The following TBC1D31 variants were observed in gnomAD, a reference collection of about 807,000 sequenced individuals.
TBC1D31 encodes the protein TBC1 domain family member 31.
In TBC1D31, 99 loss-of-function variants were observed where a neutral mutation model predicts 132.9. The observed-to-expected ratio is 0.74, with a 90% confidence interval of 0.63 to 0.88. The LOEUF (loss-of-function observed/expected upper bound fraction) is 0.88, where lower values mean the gene tolerates loss of function less well. TBC1D31 is among the 40% of genes least tolerant of loss of function. The pLI, the probability that TBC1D31 is intolerant of heterozygous loss-of-function variation, is 0.00. For synonymous variants in TBC1D31, 385 were observed against 419.4 expected (o/e 0.92, Z 1.00); for missense variants, 1,134 against 1,256.6 (o/e 0.90, Z 1.48).
At chr8:123,072,995 C>G in intron 1 of TBC1D31, 149 bp downstream of exon 1, 1 of 763,352 alleles carries the variant, frequency 1.3e-6, no homozygotes, top group East Asian at 2.7e-5. Context: ...CAGATGGCTC[C>G]GGACGCCAGG....
chr8:123,109,658 G>C, intron 10 of TBC1D31, 38 bp downstream of exon 10: 1 of 1,513,572 alleles, frequency 6.6e-7, no homozygotes, highest in Non-Finnish European at 8.9e-7. Context: ...TATGAGACCT[G>C]TAACTAATAA....
chr8:123,129,153 A>C lies in TBC1D31; in HGVS notation c.2205A>C (p.Lys735Asn), dbSNP rs757200601. 1 of 1,608,418 alleles carries C rather than the reference A, an allele frequency of 6.2e-7. No homozygotes were observed. Among genetic ancestry groups the C allele is most frequent in the Non-Finnish European group, 8.5e-7 (1 of 1,176,006 alleles). ...AWYQKQELLRKAEETRREMLL... is the reference protein window; with the variant it reads ...AWYQKQELLRNAEETRREMLL... ...ACCAGAAACAGGAGCTGCTTCGTAA[A>C]GCTGAAGAAACAAGAAGAGAAATGC... Residue 735 changes from lysine to asparagine, a missense_variant, in exon 15 of 22, where the codon AAA becomes AAC. Physicochemically the swap from Lys to Asn is moderately conservative, Grantham distance 94. Transcript: ENST00000287380.
chr8:123,101,029 A>G (rs760409501), intron 7 of TBC1D31, 22 bp downstream of exon 7: 41 of 1,535,820 alleles, frequency 2.7e-5, no homozygotes, highest in Non-Finnish European at 3.3e-5. Context: ...GAAGTAATCA[A>G]CATCAGCTTT....
intron 10 of TBC1D31, among the ~76,000 whole-genome samples, chr8:123,113,114 C>T (rs778239750): frequency 4.6e-5 from 7 of 152,168 alleles, no homozygotes; most frequent in Non-Finnish European, 8.8e-5. Flanking sequence ...GTTCAGAGGA[C>T]AAGGTAGAAA....
At chr8:123,102,015 C>T (rs1563698837) in intron 7 of TBC1D31, among the ~76,000 whole-genome samples, 4 of 152,176 alleles carry the variant, frequency 2.6e-5, no homozygotes, top group African/African-American at 4.8e-5. Context: ...CTTATTTCCT[C>T]GAACTTATAG....
intron 6 of TBC1D31, 46 bp from the exon 7 acceptor site, chr8:123,100,761 A>C (rs1226865714): frequency 6.8e-7 from 1 of 1,476,026 alleles, no homozygotes; most frequent in African/African-American, 1.4e-5. Flanking sequence ...ACTTTCAGAC[A>C]TTGACTATCA....
chr8:123,087,651 A>G (rs1424181701), intron 4 of TBC1D31, among the ~76,000 whole-genome samples: 2 of 152,248 alleles, frequency 1.3e-5, no homozygotes, highest in Non-Finnish European at 2.9e-5. Flanking sequence ...ACAATGACAC[A>G]TGACACAAAA....
chr8:123,130,383 C>G, intron 16 of TBC1D31, 50 bp downstream of exon 16: 1 of 1,522,644 alleles, frequency 6.6e-7, no homozygotes. Flanking sequence ...TTTACTCTCA[C>G]TTAAATGTAA....
At position 123,084,243 on chromosome 8, in the gene TBC1D31, C is replaced by T. The variant is rs139812181; in HGVS notation, c.422C>T (p.Ala141Val). Residue 141 changes from alanine to valine, a missense_variant, in exon 4 of 22, where the codon GCC (alanine) becomes GTC (valine). Transcript: ENST00000287380. The stretch of plus-strand genomic sequence containing the variant: ...TCTGTGCATGCATCAGGGAAATATG[C>T]CATCACAACTTCTTCTGATACAGCA... ...SISVHASGKY[A>V]ITTSSDTAQL... 3 of 1,613,864 alleles carry T rather than the reference C, an allele frequency of 1.9e-6. No homozygotes were observed. The African/African-American group carries it at 4.0e-5, about 22-fold the overall frequency.
At position 123,151,973 on chromosome 8, in the gene TBC1D31, A is replaced by G. The variant is rs1586755974; in HGVS notation, c.*34A>G. Reference sequence around the variant, plus strand: ...TCACCTTGAGACGGTCGAGAGAGAGACCTATTTTGCAATCAGTGACATTGA... The same window carrying G: ...TCACCTTGAGACGGTCGAGAGAGAGGCCTATTTTGCAATCAGTGACATTGA... On this transcript the variant is annotated 3_prime_UTR_variant, in exon 22 of 22. Coordinates refer to ENST00000287380, the MANE Select transcript of TBC1D31 (RefSeq NM_145647.4). 7.0e-7 allele frequency: 1 copy of G among 1,425,856 alleles called. No homozygotes were observed. The highest frequency in any genetic ancestry group is 9.2e-7 in the Non-Finnish European group (1 of 1,082,752). 88.3% of individuals were successfully genotyped at this position (1,425,856 alleles called of 1,614,324 possible).
At position 123,109,346 on chromosome 8, in the gene TBC1D31, G is replaced by A. The variant is rs1818241929; in HGVS notation, c.1239G>A (p.Lys413=). The A allele has an allele frequency of 5.6e-6, 9 of 1,603,734 alleles. No homozygotes were observed. In the East Asian group the frequency reaches 6.7e-5, roughly 12 times the overall value. ...KNELPDGLNK[K]RLQILLKGYG... ...AATTACCAGATGGATTAAACAAAAA[G>A]CGTTTACAAATCTTATTAAAAGGCT... Residue 413 remains lysine, a synonymous_variant, in exon 9 of 22, where the codon AAG becomes AAA. Coordinates refer to ENST00000287380, the MANE Select transcript of TBC1D31 (RefSeq NM_145647.4).
intron 18 of TBC1D31, among the ~76,000 whole-genome samples, chr8:123,141,744 C>G (rs930112065): frequency 1.4e-4 from 21 of 151,198 alleles, no homozygotes; most frequent in Admixed American, 1.1e-3. Flanking sequence ...TCAGAGTCTC[C>G]TCTTCAGAGT....
intron 16 of TBC1D31, among the ~76,000 whole-genome samples, chr8:123,132,563 G>A (rs944345854): frequency 6.6e-6 from 1 of 151,534 alleles, no homozygotes; most frequent in Non-Finnish European, 1.5e-5. Flanking sequence ...ACAGGTGCCT[G>A]CCACAACACC....
chr8:123,153,268 G>A (rs773523898), downstream of TBC1D31, among the ~76,000 whole-genome samples: 16 of 152,048 alleles, frequency 1.1e-4, no homozygotes, highest in Non-Finnish European at 1.9e-4. Flanking sequence ...AAAATTCTGT[G>A]GTTCTGCCAC....
intron 8 of TBC1D31, among the ~76,000 whole-genome samples, chr8:123,108,511 G>C (rs562174650): frequency 5.0e-4 from 76 of 152,248 alleles, no homozygotes; most frequent in African/African-American, 1.8e-3. Flanking sequence ...AGAGAGAGGT[G>C]GGGGAGGAGC....
At chr8:123,104,355 T>C (rs925345627) in intron 7 of TBC1D31, among the ~76,000 whole-genome samples, 11 of 152,176 alleles carry the variant, frequency 7.2e-5, no homozygotes, top group Non-Finnish European at 1.5e-4. Context: ...AGGCTGTGGC[T>C]TACCTTACAG....
In TBC1D31 at chr8:123,114,317, T is replaced by TTTGTTGTTG. The variant is rs149336241; in HGVS notation, c.1436+4710_1436+4718dup. Among the ~76,000 whole-genome samples, 457 of 151,516 alleles carry TTTGTTGTTG rather than the reference T, an allele frequency of 3.0e-3. 1 individual carries two copies. Among genetic ancestry groups the TTTGTTGTTG allele is most frequent in the African/African-American group, 0.01 (419 of 41,246 alleles). On this transcript the variant is annotated intron_variant, in intron 10 of 21. Transcript: ENST00000287380. The stretch of plus-strand genomic sequence containing the variant: ...GTTGTTGTTTTCTGTTTGTTTGTTT[T>TTTGTTGTTG]TTGTTGTTGTTGTTGTTGTTGAGAC...
Position 123,126,537 on chromosome 8 carries a change from G to GT in TBC1D31, c.1736dup (p.Ser580LeufsTer15). 1 of 1,613,876 alleles carries GT rather than the reference G, an allele frequency of 6.2e-7. No individual in the cohort carries two copies. The highest frequency in any genetic ancestry group is 1.1e-5 in the South Asian group (1 of 91,036). ...ATGCATGGCCTCTTCTTGAAACTGT[G>GT]TTCTCAGAAGTGCTGACAAGAGAGG... On this transcript the variant is annotated frameshift_variant, in exon 13 of 22. Coordinates refer to ENST00000287380, the MANE Select transcript of TBC1D31 (RefSeq NM_145647.4). LOFTEE classifies it high-confidence loss of function.
In TBC1D31 at chr8:123,118,337, C is replaced by T. The variant is rs191082617; in HGVS notation, c.1437-1718C>T. On this transcript the variant is annotated intron_variant, in intron 10 of 21. Transcript: ENST00000287380. ...CTGTTAACATTAGGGGAATTTAGGTCAAAGGTATACAATAACTCTACTATT... is the reference window on the plus strand; with the variant it reads ...CTGTTAACATTAGGGGAATTTAGGTTAAAGGTATACAATAACTCTACTATT... Among the ~76,000 whole-genome samples the T allele has an allele frequency of 9.7e-4, 148 of 152,086 alleles. 1 individual carries two copies. Among genetic ancestry groups the T allele is most frequent in the Admixed American group, 2.7e-3 (41 of 15,286 alleles).
Sources: gnomAD v4.1 joint callset for allele counts (sites outside exome capture counted in the v4.1 genomes callset) on GRCh38, gnomAD v4.1.1 for gene constraint, MANE v1.5 for transcripts, NCBI Gene and HGNC (gene_info 2026-07-23, HGNC 2026-07-21) for gene names.